The following ZBP1 variants were observed in gnomAD, a reference collection of about 807,000 sequenced individuals.
ZBP1 encodes the protein Z-DNA-binding protein 1.
ZBP1 carries 42 observed loss-of-function variants against 41.1 expected under a neutral mutation model. The observed-to-expected ratio is 1.02, with a 90% confidence interval of 0.80 to 1.32. ZBP1 has a LOEUF of 1.32. Ranked by LOEUF, ZBP1 falls within the 40% of genes most tolerant of loss-of-function variation. The pLI, the probability that ZBP1 is intolerant of heterozygous loss-of-function variation, is 0.00. For missense variants in ZBP1, 562 were observed against 549.7 expected (o/e 1.02, Z -0.22); for synonymous variants, 214 against 205.2 (o/e 1.04, Z -0.37).
chr20:57,616,788 G>A, intron 1 of ZBP1: 1 of 396,146 alleles, frequency 2.5e-6, no homozygotes, highest in Non-Finnish European at 4.7e-6. Flanking sequence ...TGTCCTCAGG[G>A]CAGAGGGGAG....
In ZBP1 at chr20:57,610,452, C is replaced by T. The variant is rs2070630592; in HGVS notation, c.875-85G>A. 1.4e-6 allele frequency: 2 copies of T among 1,404,470 alleles called. No homozygotes were observed. Among genetic ancestry groups the T allele is most frequent in the African/African-American group, 1.4e-5 (1 of 70,646 alleles). 87.0% of individuals were successfully genotyped at this position (1,404,470 alleles called of 1,614,324 possible). On this transcript the variant is annotated intron_variant, in intron 6 of 7. Transcript: ENST00000371173. The surrounding 1 kb of genome is among the most constrained non-coding windows in gnomAD (Gnocchi z 5.5). ...CTGACCCCCAGCCTGGTTCACCCTC[C>T]TCCCCAGATCTCCCACCAGTGGCCC...
intron 4 of ZBP1, 41 bp downstream of exon 4, chr20:57,614,846 G>A: frequency 6.2e-7 from 1 of 1,610,058 alleles, no homozygotes; most frequent in Admixed American, 1.7e-5. Flanking sequence ...TAGTGTCATG[G>A]TTTCCCTCTG....
In ZBP1 at chr20:57,610,587, G is replaced by A. The variant is rs900677010; in HGVS notation, c.875-220C>T. On this transcript the variant is annotated intron_variant, in intron 6 of 7. Transcript: ENST00000371173. This position sits in a 1 kb window ranked among gnomAD's most constrained non-coding sequence, Gnocchi z 5.5. ...AGCGTCTTTCTGCTCCACTGATCCCGCAGTGGGTCTGCCCCACTGATCCCG... is the reference window on the plus strand; with the variant it reads ...AGCGTCTTTCTGCTCCACTGATCCCACAGTGGGTCTGCCCCACTGATCCCG... 4.2e-5 allele frequency: 25 copies of A among 595,040 alleles called. No homozygotes were observed. Among genetic ancestry groups the A allele is most frequent in the Non-Finnish European group, 5.4e-5 (18 of 334,452 alleles). The allele number at this position is 595,040 out of a possible 1,614,324, so 36.9% of individuals were successfully genotyped here.
At chr20:57,618,859 G>T (rs2070918626) in intron 1 of ZBP1, among the ~76,000 whole-genome samples, 1 of 152,202 alleles carries the variant, frequency 6.6e-6, no homozygotes, top group African/African-American at 2.4e-5. Flanking sequence ...GGGATTGCAG[G>T]CGTGAGCCAC....
At position 57,611,783 on chromosome 20, in the gene ZBP1, C is replaced by T. The variant is rs750049955; in HGVS notation, c.818G>A (p.Arg273Lys). The change falls in exon 6 of 8, where the codon AGG becomes AAG. Residue 273 changes from arginine to lysine, a missense_variant. Coordinates refer to ENST00000371173, the MANE Select transcript of ZBP1 (RefSeq NM_030776.3). ...RVQLGHSNEM[R>K]LHGVPSEGPA... is the part of the protein sequence containing the mutation. Reference sequence around the variant, plus strand: ...GCCCTCGGACGGGACGCCGTGGAGCCTCATCTCATTGCTGTGTCCCAGCTG... The same window carrying T: ...GCCCTCGGACGGGACGCCGTGGAGCTTCATCTCATTGCTGTGTCCCAGCTG... 6 of 1,612,876 alleles carry T rather than the reference C, an allele frequency of 3.7e-6. No homozygotes were observed. In the Admixed American group the frequency reaches 6.7e-5, roughly 18 times the overall value.
rs144696746 is a variant in ZBP1, at chr20:57,611,764, G to A, written c.837C>T (p.Ser279=). 1.9e-4 allele frequency: 313 copies of A among 1,612,354 alleles called. 2 individuals are homozygous for A. The African/African-American group carries it at 3.4e-3, about 18-fold the overall frequency. The change falls in exon 6 of 8, where the codon TCC becomes TCT. Residue 279 remains serine, a synonymous_variant. Transcript: ENST00000371173. ...SNEMRLHGVP[S]EGPAHIPPGS... The stretch of plus-strand genomic sequence containing the variant: ...CAGGGGGGATGTGGGCAGGGCCCTC[G>A]GACGGGACGCCGTGGAGCCTCATCT...
At chr20:57,614,191 C>T (rs989339071) in intron 4 of ZBP1, among the ~76,000 whole-genome samples, 6 of 151,998 alleles carry the variant, frequency 3.9e-5, no homozygotes, top group African/African-American at 1.5e-4. Context: ...CCCACCACCA[C>T]ACCTGGCTAA....
chr20:57,615,173 T>C, intron 3 of ZBP1, 113 bp from the exon 4 acceptor site: 2 of 1,178,530 alleles, frequency 1.7e-6, no homozygotes, highest in South Asian at 1.4e-5. Flanking sequence ...GGTTTCCTCA[T>C]CTGTAAAATG....
chr20:57,617,496 T>C (rs1002352828), intron 1 of ZBP1: 5 of 152,314 alleles, frequency 3.3e-5, no homozygotes, highest in African/African-American at 9.7e-5. Flanking sequence ...TCTAGCACAG[T>C]GCTGGGCACA....
chr20:57,615,982 T>G, intron 2 of ZBP1: 1 of 564,876 alleles, frequency 1.8e-6, no homozygotes, highest in Non-Finnish European at 3.2e-6. Flanking sequence ...GATTTTCTAT[T>G]ATAATTGTTA....
At position 57,620,311 on chromosome 20, in the gene ZBP1, A is replaced by C; in HGVS notation, c.-16T>G. 1 of 1,592,866 alleles carries C rather than the reference A, an allele frequency of 6.3e-7. No homozygotes were observed. The highest frequency in any genetic ancestry group is 8.6e-7 in the Non-Finnish European group (1 of 1,169,042). ...CCTGGGCCATGCTGACAGCAGCTGC[A>C]AGGAGTCGGAGAGACTTGGCAGGTG... On this transcript the variant is annotated 5_prime_UTR_variant, in exon 1 of 8. Coordinates refer to ENST00000371173, the MANE Select transcript of ZBP1 (RefSeq NM_030776.3).
At chr20:57,617,846 C>T (rs902594726) in intron 1 of ZBP1, 142 of 149,930 alleles carry the variant, frequency 9.5e-4, no homozygotes, top group African/African-American at 3.3e-3. Flanking sequence ...GACAAGACCC[C>T]ATCTCTGGAA....
chr20:57,604,218 A>T lies in ZBP1; in HGVS notation c.*355T>A. 2.5e-6 allele frequency: 1 copy of T among 392,568 alleles called. No homozygotes were observed. The highest frequency in any genetic ancestry group is 2.1e-5 in the South Asian group (1 of 48,698). The allele number at this position is 392,568 out of a possible 1,614,324, so 24.3% of individuals were successfully genotyped here. Reference sequence around the variant, plus strand: ...ATTTTGTTGGGACTCAAACATTCAAACCACAGCAGGTAGCCATGATGGAAG... The same window carrying T: ...ATTTTGTTGGGACTCAAACATTCAATCCACAGCAGGTAGCCATGATGGAAG... On this transcript the variant is annotated 3_prime_UTR_variant, in exon 8 of 8. Coordinates refer to ENST00000371173, the MANE Select transcript of ZBP1 (RefSeq NM_030776.3).
chr20:57,609,579 G>A (rs1225174350), intron 7 of ZBP1, among the ~76,000 whole-genome samples: 1 of 151,848 alleles, frequency 6.6e-6, no homozygotes, highest in Non-Finnish European at 1.5e-5. Flanking sequence ...AGATGAGGAC[G>A]GAGCCCAAGG....
At chr20:57,620,220 C>A in intron 1 of ZBP1, 42 bp downstream of exon 1, 1 of 1,561,694 alleles carries the variant, frequency 6.4e-7, no homozygotes, top group South Asian at 1.2e-5. Flanking sequence ...AAATCTCACC[C>A]CGGGAGCTAC....
chr20:57,610,127 T>G lies in ZBP1; in HGVS notation c.1093+22A>C, dbSNP rs1600729060. ...GGGAGAGAGAGAGAACACACAGGGG[T>G]CCACTCTGCCCCCTAGCTCACCTGC... On this transcript the variant is annotated intron_variant, in intron 7 of 7. Coordinates refer to ENST00000371173, the MANE Select transcript of ZBP1 (RefSeq NM_030776.3). This position sits in a 1 kb window ranked among gnomAD's most constrained non-coding sequence, Gnocchi z 5.5. 6.3e-7 allele frequency: 1 copy of G among 1,594,852 alleles called. No homozygotes were observed.
At position 57,605,812 on chromosome 20, in the gene ZBP1, T is replaced by C. The variant is rs571683364; in HGVS notation, c.1094-1043A>G. On this transcript the variant is annotated intron_variant, in intron 7 of 7. Transcript: ENST00000371173. ...AGCCAGGCGTGGTGGTGCAGGTCTG[T>C]AATCACAGCGACCCAGGAGGCTGAA... 5.9e-5 allele frequency among the ~76,000 whole-genome samples: 9 copies of C among 152,232 alleles called. No homozygotes were observed. In the South Asian group the frequency reaches 1.9e-3, roughly 32 times the overall value.
intron 7 of ZBP1, among the ~76,000 whole-genome samples, chr20:57,605,902 C>A (rs572813963): frequency 1.3e-5 from 2 of 151,996 alleles, no homozygotes; most frequent in South Asian, 4.2e-4. Flanking sequence ...CCATTGCACT[C>A]CAGCCTAGAC....
rs2070841270 is a variant in ZBP1, at chr20:57,616,634, A to C, written c.35-166T>G. 7.6e-6 allele frequency: 5 copies of C among 661,706 alleles called. No homozygotes were observed. In the South Asian group the frequency reaches 9.5e-5, roughly 13 times the overall value. The allele number at this position is 661,706 out of a possible 1,614,324, so 41.0% of individuals were successfully genotyped here. A position where few individuals can be genotyped will look rare whatever the true frequency, so the allele number is the denominator to read the frequency against. ...AGATGCCCCCTAAGAGCAGTAGGGC[A>C]GCTGCATCTGCCCAGAGGGAGGCAT... is the stretch of plus-strand genomic sequence containing the variant. On this transcript the variant is annotated intron_variant, in intron 1 of 7. Coordinates refer to ENST00000371173, the MANE Select transcript of ZBP1 (RefSeq NM_030776.3).
Sources: allele counts gnomAD v4.1 joint callset (sites outside exome capture counted in the v4.1 genomes callset), GRCh38; gene constraint gnomAD v4.1.1; non-coding constraint Gnocchi (gnomAD v3.1); transcripts MANE v1.5; gene names NCBI Gene and HGNC (gene_info 2026-07-23, HGNC 2026-07-21).